The following BOD1L1 variants were observed in gnomAD, a reference collection of about 807,000 sequenced individuals.
BOD1L1 encodes biorientation of chromosomes in cell division 1 like 1.
In BOD1L1, 86 loss-of-function variants were observed where a neutral mutation model predicts 240.7. That is an observed-to-expected ratio of 0.36 (90% CI 0.30 to 0.43). The LOEUF (loss-of-function observed/expected upper bound fraction) is 0.43, where lower values mean the gene tolerates loss of function less well. Among genes scored for constraint, BOD1L1 ranks in the 20% least tolerant of loss-of-function variants. BOD1L1 has a pLI of 1.00. For synonymous variants in BOD1L1, 1,268 were observed against 1,272.3 expected (o/e 1.00, Z 0.07); for missense variants, 3,554 against 3,643.5 (o/e 0.98, Z 0.63).
rs781162996 is a variant in BOD1L1, at chr4:13,602,238, G to A, written c.4662C>T (p.Cys1554=). The A allele has an allele frequency of 6.2e-7, 1 of 1,613,844 alleles. No individual in the cohort carries two copies. The highest frequency in any genetic ancestry group is 1.1e-5 in the South Asian group (1 of 91,050). ...GGCCTTCATCTGCCTCAATGCTGGT[G>A]CAAGGCAAAGCCACCTCACTTTGTC... is the stretch of plus-strand genomic sequence containing the variant. ...ETRQSEVALP[C]TSIEADEGLI... is the part of the protein sequence containing the mutation. The change falls in exon 10 of 26, where the codon TGC becomes TGT. Residue 1554 remains cysteine, a synonymous_variant. Transcript: ENST00000040738.
rs763986375 is a variant in BOD1L1 at position 13,602,297 on chromosome 4, C to A, written c.4603G>T (p.Ala1535Ser). The A allele has an allele frequency of 3.1e-6, 5 of 1,613,800 alleles. No individual in the cohort carries two copies. The highest frequency in any genetic ancestry group is 3.3e-5 in the Admixed American group (2 of 60,004). The part of the protein sequence containing the change: ...DKDVTLSPVK[A>S]GPATTTSSET... ...GAAGAAGTGGTTGTGGCAGGCCCAG[C>A]CTTCACTGGACTTAAGGTGACATCT... The change falls in exon 10 of 26, where the codon GCT (alanine) becomes TCT (serine). Residue 1535 changes from alanine to serine, a missense_variant. Around this residue, in one of 2 missense-constraint regions of BOD1L1, gnomAD observed 3,393 missense variants for 3,427.1 expected, o/e 0.99. Coordinates refer to ENST00000040738, the MANE Select transcript of BOD1L1 (RefSeq NM_148894.3).
rs1400126865 is a variant in BOD1L1 at position 13,587,718 on chromosome 4, G to A, written c.8334C>T (p.Leu2778=). Residue 2778 remains leucine, a synonymous_variant, in exon 16 of 26, where the codon CTC becomes CTT. Coordinates refer to ENST00000040738, the MANE Select transcript of BOD1L1 (RefSeq NM_148894.3). ...AAATACCTGGTTCATCTTCTGAAGAGAGATAATGCTGCTTTCTTTTTCTTT... is the reference window on the plus strand; with the variant it reads ...AAATACCTGGTTCATCTTCTGAAGAAAGATAATGCTGCTTTCTTTTTCTTT... ...MPKRKRKQHY[L]SSEDEPDDNP... is the part of the protein sequence containing the mutation. The A allele has an allele frequency of 1.3e-6, 2 of 1,557,832 alleles. No individual in the cohort carries two copies. Among genetic ancestry groups the A allele is most frequent in the African/African-American group, 2.7e-5 (2 of 73,800 alleles).
chr4:13,586,725 T>C (rs1232735652), intron 16 of BOD1L1, among the ~76,000 whole-genome samples: 2 of 152,302 alleles, frequency 1.3e-5, no homozygotes, highest in East Asian at 3.9e-4. Context: ...AGTAGTGGGT[T>C]CTATGGGAAG....
intron 22 of BOD1L1, 158 bp from the exon 23 acceptor site, chr4:13,577,789 C>T: frequency 3.7e-6 from 2 of 533,500 alleles, no homozygotes. Flanking sequence ...ATCAGAATAC[C>T]TAGCAGAGAT....
chr4:13,576,829 C>T lies in BOD1L1; in HGVS notation c.9038+9G>A. 1 of 1,612,036 alleles carries T rather than the reference C, an allele frequency of 6.2e-7. No individual in the cohort carries two copies. The highest frequency in any genetic ancestry group is 8.5e-7 in the Non-Finnish European group (1 of 1,179,228). On this transcript the variant is annotated intron_variant, in intron 25 of 25. Transcript: ENST00000040738. Reference sequence around the variant, plus strand: ...AAGGTCTCTGGCAGCTCTGTGCTGCCCCCATTACCTCTGAGCCTCTGATCT... The same window carrying T: ...AAGGTCTCTGGCAGCTCTGTGCTGCTCCCATTACCTCTGAGCCTCTGATCT...
chr4:13,622,552 T>C (rs1455915638), intron 1 of BOD1L1, among the ~76,000 whole-genome samples: 2 of 152,210 alleles, frequency 1.3e-5, no homozygotes, highest in African/African-American at 4.8e-5. Flanking sequence ...TGTCTTCTAC[T>C]TCACATGCAT....
chr4:13,578,424 G>A (rs547327816), intron 22 of BOD1L1, among the ~76,000 whole-genome samples: 4 of 152,180 alleles, frequency 2.6e-5, no homozygotes, highest in Non-Finnish European at 5.9e-5. Flanking sequence ...TGCCATTGCA[G>A]CATTTTGAAT....
chr4:13,597,717 T>G (rs1431400996), intron 10 of BOD1L1, among the ~76,000 whole-genome samples: 1 of 152,214 alleles, frequency 6.6e-6, no homozygotes, highest in Non-Finnish European at 1.5e-5. Flanking sequence ...GAAACCCTTC[T>G]ATTTTCACTT....
At chr4:13,584,593 A>G (rs1713525121) in intron 17 of BOD1L1, among the ~76,000 whole-genome samples, 3 of 152,088 alleles carry the variant, frequency 2.0e-5, no homozygotes, top group Admixed American at 2.0e-4. Flanking sequence ...TGTCCTGCAC[A>G]AAAGTCTTCA....
In BOD1L1 at chr4:13,600,519, G is replaced by A. The variant is rs1455004655; in HGVS notation, c.6381C>T (p.Asp2127=). 1.2e-6 allele frequency: 2 copies of A among 1,613,810 alleles called. No individual in the cohort carries two copies. The highest frequency in any genetic ancestry group is 1.7e-6 in the Non-Finnish European group (2 of 1,179,892). ...APMPSAVSGD[D]SQLTASRSEE... ...CACTTCTGCTGGCAGTGAGTTGGCT[G>A]TCATCTCCTGAGACTGCACTGGGCA... The change falls in exon 10 of 26, where the codon GAC becomes GAT. Residue 2127 remains aspartate, a synonymous_variant. Transcript: ENST00000040738.
At chr4:13,627,291 G>C in intron 1 of BOD1L1, 54 bp downstream of exon 1, 1 of 1,063,406 alleles carries the variant, frequency 9.4e-7, no homozygotes. Flanking sequence ...AAAGAAGCGC[G>C]CCCTTGGGTC....
At chr4:13,593,868 G>A (rs913444023) in intron 12 of BOD1L1, among the ~76,000 whole-genome samples, 2 of 152,132 alleles carry the variant, frequency 1.3e-5, no homozygotes, top group Admixed American at 1.3e-4. Context: ...AATACCATGT[G>A]GATCCAGGAA....
At chr4:13,582,825 C>CA in intron 17 of BOD1L1, 89 bp from the exon 18 acceptor site, 1 of 841,100 alleles carries the variant, frequency 1.2e-6, no homozygotes, top group Non-Finnish European at 1.9e-6. Flanking sequence ...CTTTCTATTT[C>CA]AAAAAAACTT....
At chr4:13,573,418 ATCTG>A (rs762800220) in intron 25 of BOD1L1, among the ~76,000 whole-genome samples, 116 of 131,464 alleles carry the variant, frequency 8.8e-4, no homozygotes, top group African/African-American at 1.3e-3. Flanking sequence ...GCTTCTATCT[ATCTG>A]TCTGTCTGTC....
At chr4:13,608,158 A>G (rs1231799699) in intron 8 of BOD1L1, among the ~76,000 whole-genome samples, 1 of 152,190 alleles carries the variant, frequency 6.6e-6, no homozygotes, top group East Asian at 1.9e-4. Flanking sequence ...GACTGGAAAT[A>G]ATAATTGAAA....
chr4:13,589,923 G>T (rs988007015), intron 14 of BOD1L1, among the ~76,000 whole-genome samples: 1 of 152,146 alleles, frequency 6.6e-6, no homozygotes, highest in Non-Finnish European at 1.5e-5. Context: ...TTTGAGAAGG[G>T]AATTTTCTGT....
At position 13,595,982 on chromosome 4, in the gene BOD1L1, G is replaced by C. The variant is rs1486390261; in HGVS notation, c.8020-38C>G. The stretch of plus-strand genomic sequence containing the variant: ...AAGCACCATAAAAATAAGTTAACCA[G>C]GGTTTTTACAAGAAGACTAACCTCA... On this transcript the variant is annotated intron_variant, in intron 11 of 25. Transcript: ENST00000040738. The C allele has an allele frequency of 3.2e-6, 5 of 1,572,716 alleles. No individual in the cohort carries two copies. The African/African-American group carries it at 6.8e-5, about 21-fold the overall frequency.
rs1715907002 is a variant in BOD1L1, at chr4:13,608,586, T to C, written c.1686A>G (p.Glu562=). The C allele has an allele frequency of 6.4e-7, 1 of 1,552,762 alleles. No individual in the cohort carries two copies. Among genetic ancestry groups the C allele is most frequent in the Non-Finnish European group, 8.7e-7 (1 of 1,150,954 alleles). The change falls in exon 8 of 26, where the codon GAA becomes GAG. Residue 562 remains glutamate (E), a synonymous_variant. Transcript: ENST00000040738. ...KAARIKEVLK[E]RKVLEKKVAL... ...CTACTTTTTTTTCTAAAACTTTCCG[T>C]TCTTTAAGGACTTCTTTAATTCTGG... is the stretch of plus-strand genomic sequence containing the variant.
chr4:13,606,929 A>G (rs1715751838), intron 9 of BOD1L1, among the ~76,000 whole-genome samples, 188 bp downstream of exon 9: 1 of 152,232 alleles, frequency 6.6e-6, no homozygotes, highest in Non-Finnish European at 1.5e-5. Context: ...AACGACAAAT[A>G]TATAAATCAA....
Sources: gnomAD v4.1 joint callset for allele counts (sites outside exome capture counted in the v4.1 genomes callset) on GRCh38, gnomAD v4.1.1 for gene constraint, gnomAD v4.1.1 regional missense constraint, MANE v1.5 for transcripts, NCBI Gene and HGNC (gene_info 2026-07-23, HGNC 2026-07-21) for gene names.